Variants in THSD7B observed in about 807,000 individuals in gnomAD.
The protein encoded by THSD7B is thrombospondin type 1 domain containing 7B.
Under a neutral mutation model 213.6 loss-of-function variants are expected in THSD7B, and 138 were observed. The ratio of observed to expected loss-of-function variants is 0.65; its 90% CI spans 0.56 to 0.74. The LOEUF (loss-of-function observed/expected upper bound fraction) is 0.74. Ranked by LOEUF, THSD7B falls within the 30% of genes least tolerant of loss-of-function variation. The pLI, the probability that THSD7B is intolerant of heterozygous loss-of-function variation, is 0.00. For synonymous variants in THSD7B, 742 were observed against 687.0 expected, an observed-to-expected ratio of 1.08 and a Z score of -1.25; for missense variants, 1,931 against 1,991.5, an observed-to-expected ratio of 0.97 and a Z score of 0.58.
chr2:137,484,319 T>A (rs1441335337), intron 15 of THSD7B, among the ~76,000 whole-genome samples: 2 of 148,536 alleles, frequency 1.3e-5, no homozygotes, highest in Non-Finnish European at 3.0e-5. Flanking sequence ...TGATTTCCAA[T>A]TTCATCCATG....
chr2:137,059,373 A>C (rs1244258797), intron 3 of THSD7B, among the ~76,000 whole-genome samples: 1 of 152,176 alleles, frequency 6.6e-6, no homozygotes, highest in Non-Finnish European at 1.5e-5. Context: ...ATATTGATAT[A>C]TTACTGTTAA....
At chr2:137,410,449 A>T (rs1405576476) in intron 13 of THSD7B, among the ~76,000 whole-genome samples, 1 of 152,010 alleles carries the variant, frequency 6.6e-6, no homozygotes, top group Non-Finnish European at 1.5e-5. Flanking sequence ...TTGTATTTTT[A>T]GCAGAGATGG....
In THSD7B at chr2:137,272,657, A is replaced by G; in HGVS notation, c.2391A>G (p.Val797=). 1 of 1,611,372 alleles carries G rather than the reference A, an allele frequency of 6.2e-7. No individual in the cohort carries two copies. The highest frequency in any genetic ancestry group is 1.7e-5 in the Admixed American group (1 of 59,604). The change falls in exon 11 of 28, where the codon GTA becomes GTG. Residue 797 remains valine (V), a synonymous_variant. Transcript: ENST00000409968. ...RECEDVSLCP[V]YRWKPQKWSP... ...GTGAAGATGTTTCCTTGTGTCCTGTATATCGGCAAGTAGTTACCTTTTAAA... is the reference window on the plus strand; with the variant it reads ...GTGAAGATGTTTCCTTGTGTCCTGTGTATCGGCAAGTAGTTACCTTTTAAA...
At chr2:137,667,912 T>C in intron 27 of THSD7B, 51 bp downstream of exon 27, 1 of 1,431,988 alleles carries the variant, frequency 7.0e-7, no homozygotes, top group Non-Finnish European at 9.5e-7. Context: ...ATGGATTTCA[T>C]GTTATACTTA....
At chr2:136,918,672 G>A (rs980005367) in intron 2 of THSD7B, among the ~76,000 whole-genome samples, 28 of 152,196 alleles carry the variant, frequency 1.8e-4, no homozygotes, top group African/African-American at 6.8e-4. Flanking sequence ...ATTCTTCTCC[G>A]TGACAGAAGA....
chr2:137,375,449 C>T (rs920325215), intron 12 of THSD7B, among the ~76,000 whole-genome samples: 8 of 152,142 alleles, frequency 5.3e-5, no homozygotes, highest in African/African-American at 1.9e-4. Context: ...GCAGGCTTCC[C>T]TATTGCATTA....
intron 12 of THSD7B, among the ~76,000 whole-genome samples, chr2:137,317,899 C>T (rs1337537322): frequency 6.6e-6 from 1 of 152,044 alleles, no homozygotes; most frequent in Non-Finnish European, 1.5e-5. Flanking sequence ...ACTGCCACTG[C>T]CTGAGTGACA....
At position 137,392,774 on chromosome 2, in the gene THSD7B, T is replaced by G. The variant is rs562182055; in HGVS notation, c.2501-12839T>G. ...TTTTAAAAGGAATGTAAATTTAATC[T>G]ATTTACATTCAAGTTAATACTTACA... On this transcript the variant is annotated intron_variant, in intron 12 of 27. Coordinates refer to ENST00000409968, the MANE Select transcript of THSD7B (RefSeq NM_001316349.2). Among the ~76,000 whole-genome samples, 28 of 152,296 alleles carry G rather than the reference T, an allele frequency of 1.8e-4. No individual in the cohort carries two copies. In the South Asian group the frequency reaches 2.9e-3, roughly 16 times the overall value.
chr2:137,027,287 TC>T (rs1686573687), intron 2 of THSD7B, among the ~76,000 whole-genome samples: 1 of 152,172 alleles, frequency 6.6e-6, no homozygotes, highest in African/African-American at 2.4e-5. Flanking sequence ...GGAAGGTCTT[TC>T]TGGTTGGCGT....
At chr2:137,316,188 G>A (rs1025336449) in intron 12 of THSD7B, among the ~76,000 whole-genome samples, 2 of 152,144 alleles carry the variant, frequency 1.3e-5, no homozygotes, top group Non-Finnish European at 2.9e-5. Flanking sequence ...CTTTGCCTAA[G>A]CCTGCATGTG....
chr2:136,945,807 G>A (rs1684926832), intron 2 of THSD7B, among the ~76,000 whole-genome samples: 1 of 152,186 alleles, frequency 6.6e-6, no homozygotes, highest in South Asian at 2.1e-4. Context: ...TCACGCCATG[G>A]TTTTCAGCTC....
intron 12 of THSD7B, among the ~76,000 whole-genome samples, chr2:137,377,917 G>C (rs1374307483): frequency 6.6e-6 from 1 of 152,076 alleles, no homozygotes; most frequent in East Asian, 1.9e-4. Context: ...AAGCTACCGC[G>C]CCTGGACAAA....
intron 9 of THSD7B, among the ~76,000 whole-genome samples, chr2:137,234,717 A>G (rs1681726131): frequency 6.6e-6 from 1 of 152,154 alleles, no homozygotes; most frequent in Admixed American, 6.5e-5. Flanking sequence ...AATGAGCTAA[A>G]CCTATATGTA....
At chr2:137,419,355 CTTTTGGTGGGTCCT>C in intron 14 of THSD7B, among the ~76,000 whole-genome samples, 1 of 149,022 alleles carries the variant, frequency 6.7e-6, no homozygotes, top group Non-Finnish European at 1.5e-5. Context: ...TCAGCCCCCA[CTTTTGGTGGGTCCT>C]GAGTTCTTGT....
At chr2:137,290,240 C>G (rs1683294397) in intron 12 of THSD7B, among the ~76,000 whole-genome samples, 1 of 151,880 alleles carries the variant, frequency 6.6e-6, no homozygotes, top group African/African-American at 2.4e-5. Context: ...AAGGCGTGTG[C>G]CACCATGCCC....
chr2:137,003,454 A>C (rs1324662744), intron 2 of THSD7B, among the ~76,000 whole-genome samples: 1 of 152,202 alleles, frequency 6.6e-6, no homozygotes, highest in African/African-American at 2.4e-5. Flanking sequence ...GAATTGCTCA[A>C]ATATTTGAAG....
At chr2:137,376,549 G>T (rs1685660099) in intron 12 of THSD7B, among the ~76,000 whole-genome samples, 1 of 152,100 alleles carries the variant, frequency 6.6e-6, no homozygotes, top group Non-Finnish European at 1.5e-5. Context: ...TGTAAATACT[G>T]CCATATTCCT....
intron 12 of THSD7B, among the ~76,000 whole-genome samples, chr2:137,374,862 C>A: frequency 6.6e-6 from 1 of 152,120 alleles, no homozygotes; most frequent in East Asian, 1.9e-4. Context: ...ACTTGAGTTT[C>A]CATGAGCCTA....
chr2:137,396,369 G>A (rs1442167577), intron 12 of THSD7B, among the ~76,000 whole-genome samples: 2 of 143,750 alleles, frequency 1.4e-5, no homozygotes, highest in Non-Finnish European at 1.5e-5. Flanking sequence ...TTGTGTCTTT[G>A]TTCTCATTGG....
Sources: allele counts gnomAD v4.1 joint callset (sites outside exome capture counted in the v4.1 genomes callset), GRCh38; gene constraint gnomAD v4.1.1; transcripts MANE v1.5; gene names NCBI Gene and HGNC (gene_info 2026-07-23, HGNC 2026-07-21).